Variants in ATRN observed in about 807,000 individuals in gnomAD.
The protein encoded by ATRN is attractin.
ATRN carries 54 observed loss-of-function variants against 178.7 expected under a neutral mutation model. That is an observed-to-expected ratio of 0.30 (90% CI 0.24 to 0.38). The LOEUF (loss-of-function observed/expected upper bound fraction) is 0.38. Ranked by LOEUF, ATRN falls within the 10% of genes least tolerant of loss-of-function variation. The pLI, the probability that ATRN is intolerant of heterozygous loss-of-function variation, is 1.00. For synonymous variants in ATRN, 636 were observed against 663.0 expected (o/e 0.96, Z 0.63); for missense variants, 1,443 against 1,815.1 (o/e 0.79, Z 3.73).
intron 1 of ATRN, among the ~76,000 whole-genome samples, chr20:3,528,491 CAG>C (rs1273808731): frequency 6.6e-6 from 1 of 152,026 alleles, no homozygotes; most frequent in African/African-American, 2.4e-5. Flanking sequence ...AATGCAGTAA[CAG>C]AAAACCAAAT....
At chr20:3,626,420 G>A (rs927220846) in intron 25 of ATRN, among the ~76,000 whole-genome samples, 1 of 152,062 alleles carries the variant, frequency 6.6e-6, no homozygotes, top group East Asian at 1.9e-4. Flanking sequence ...ATATTTAAGT[G>A]TAATATAAAG....
intron 19 of ATRN, chr20:3,592,519 GAA>G (rs1219238778): frequency 1.0e-6 from 1 of 969,896 alleles, no homozygotes; most frequent in East Asian, 1.1e-4. Flanking sequence ...TGATATTAAT[GAA>G]CTGCTTTTTT....
intron 24 of ATRN, among the ~76,000 whole-genome samples, chr20:3,609,421 T>G (rs1201513713): frequency 1.3e-5 from 2 of 152,180 alleles, no homozygotes; most frequent in African/African-American, 2.4e-5. Context: ...AGTTCTTAGT[T>G]TGGTGGAGCT....
Position 3,568,683 on chromosome 20 carries a change from T to C in ATRN, c.1871+3251T>C, listed in dbSNP as rs540954868. On this transcript the variant is annotated intron_variant, in intron 11 of 28. Transcript: ENST00000262919. ...ATCAACCAGTCAGCATACATAACTT[T>C]CTTTTATGTGTGTTTCTATTTAAAA... Among the ~76,000 whole-genome samples, 3 of 152,316 alleles carry C rather than the reference T, an allele frequency of 2.0e-5. No individual in the cohort carries two copies. The East Asian group carries it at 5.8e-4, about 29-fold the overall frequency.
chr20:3,480,626 C>T (rs889774917), intron 1 of ATRN, among the ~76,000 whole-genome samples: 1 of 152,136 alleles, frequency 6.6e-6, no homozygotes, highest in Non-Finnish European at 1.5e-5. Flanking sequence ...GTAGAGCCAG[C>T]TGACTAGGGT....
intron 1 of ATRN, among the ~76,000 whole-genome samples, chr20:3,511,498 A>G (rs557108844): frequency 5.3e-5 from 8 of 152,138 alleles, no homozygotes; most frequent in East Asian, 1.9e-4. Flanking sequence ...TTTAAACTAT[A>G]TGGCACAACA....
chr20:3,576,735 GTCTA>G (rs2086217317), intron 13 of ATRN, 120 bp from the exon 14 acceptor site: 2 of 290,518 alleles, frequency 6.9e-6, no homozygotes, highest in Admixed American at 1.1e-4. Context: ...CTATCTATCT[GTCTA>G]TCTATTTATT....
intron 1 of ATRN, among the ~76,000 whole-genome samples, chr20:3,478,038 CTT>C (rs1242166089): frequency 6.6e-6 from 1 of 152,186 alleles, no homozygotes; most frequent in Non-Finnish European, 1.5e-5. Flanking sequence ...TAGCAGTAAT[CTT>C]TGGCTCTTTC....
intron 25 of ATRN, among the ~76,000 whole-genome samples, chr20:3,630,915 G>GTTT (rs1568774646): frequency 3.2e-5 from 2 of 62,456 alleles, no homozygotes; most frequent in Non-Finnish European, 7.8e-5. Context: ...AATTTATTTA[G>GTTT]CTTTTTTTTT....
At chr20:3,586,335 G>A (rs1332822646) in intron 18 of ATRN, among the ~76,000 whole-genome samples, 1 of 152,194 alleles carries the variant, frequency 6.6e-6, no homozygotes, top group Non-Finnish European at 1.5e-5. Flanking sequence ...AGGTGCAAAA[G>A]ATTATGCGTT....
chr20:3,524,290 A>G (rs1238981852), intron 1 of ATRN, among the ~76,000 whole-genome samples: 2 of 152,174 alleles, frequency 1.3e-5, no homozygotes, highest in African/African-American at 2.4e-5. Flanking sequence ...ACAGACTTCA[A>G]ACCAACAAAG....
At chr20:3,481,407 C>A (rs550689042) in intron 1 of ATRN, among the ~76,000 whole-genome samples, 16 of 152,294 alleles carry the variant, frequency 1.1e-4, no homozygotes, top group African/African-American at 3.6e-4. Context: ...GTGGTGCAAT[C>A]ACTGCTCACT....
intron 11 of ATRN, among the ~76,000 whole-genome samples, chr20:3,571,579 T>C (rs2086124994): frequency 6.7e-6 from 1 of 150,142 alleles, no homozygotes; most frequent in Admixed American, 6.7e-5. Flanking sequence ...TTTTTTTTGC[T>C]AGTCTTATAG....
In ATRN at chr20:3,576,884, G is replaced by A; in HGVS notation, c.2240G>A (p.Cys747Tyr). The part of the protein sequence containing the change: ...GQISIFRYEN[C>Y]PKDNPMYYCN... ...ATCTCCATTTTTAGGTATGAGAATT[G>A]CCCCAAGGATAACCCCATGTACTAC... Residue 747 changes from cysteine (C) to tyrosine (Y), a missense_variant, in exon 14 of 29, where the codon TGC becomes TAC. Around this residue, in one of 4 missense-constraint regions of ATRN, gnomAD observed 862 missense variants for 972.1 expected, o/e 0.89. Transcript: ENST00000262919. 1 of 1,614,048 alleles carries A rather than the reference G, an allele frequency of 6.2e-7. No individual in the cohort carries two copies. Among genetic ancestry groups the A allele is most frequent in the Non-Finnish European group, 8.5e-7 (1 of 1,179,974 alleles).
In ATRN at chr20:3,584,630, C is replaced by CT. The variant is rs752100899; in HGVS notation, c.2951-6dup. On this transcript the variant is annotated splice_polypyrimidine_tract_variant and intron_variant, in intron 17 of 28. Coordinates refer to ENST00000262919, the MANE Select transcript of ATRN (RefSeq NM_139321.3). ...ATCTACCTGTGATAGTCAATTGCAACTTTTTTTTTTTAATAGCTGAAAATT... is the reference window on the plus strand; with the variant it reads ...ATCTACCTGTGATAGTCAATTGCAACTTTTTTTTTTTTAATAGCTGAAAATT... 0.05 allele frequency: 48,112 copies of CT among 967,074 alleles called. No homozygotes were observed. Among genetic ancestry groups the CT allele is most frequent in the South Asian group, 0.064 (3,211 of 50,014 alleles). 59.9% of individuals were successfully genotyped at this position (967,074 alleles called of 1,614,324 possible). A position where few individuals can be genotyped will look rare whatever the true frequency, so the allele number is the denominator to read the frequency against.
chr20:3,597,885 T>C, intron 21 of ATRN, 21 bp from the exon 22 acceptor site: 3 of 1,437,926 alleles, frequency 2.1e-6, no homozygotes, highest in Non-Finnish European at 1.9e-6. Flanking sequence ...TTTTTAAATA[T>C]GCATTTCTTT....
At chr20:3,610,064 A>T (rs2086740812) in intron 24 of ATRN, among the ~76,000 whole-genome samples, 1 of 152,212 alleles carries the variant, frequency 6.6e-6, no homozygotes, top group Non-Finnish European at 1.5e-5. Flanking sequence ...AAAATTGTGA[A>T]TGTAATTATT....
chr20:3,597,074 A>ATATATATAT (rs1555822793), intron 21 of ATRN, among the ~76,000 whole-genome samples: 1 of 146,970 alleles, frequency 6.8e-6, no homozygotes, highest in African/African-American at 2.5e-5. Flanking sequence ...ATATATATAT[A>ATATATATAT]AAACTTCTAA....
At chr20:3,497,450 G>A (rs1258308979) in intron 1 of ATRN, among the ~76,000 whole-genome samples, 1 of 152,062 alleles carries the variant, frequency 6.6e-6, no homozygotes, top group Non-Finnish European at 1.5e-5. Flanking sequence ...TGAAATTCTG[G>A]ATTGAAAATT....
Sources: gnomAD v4.1 joint callset for allele counts (sites outside exome capture counted in the v4.1 genomes callset) on GRCh38, gnomAD v4.1.1 for gene constraint, gnomAD v4.1.1 regional missense constraint, MANE v1.5 for transcripts, NCBI Gene and HGNC (gene_info 2026-07-23, HGNC 2026-07-21) for gene names.